The following KCNJ15 variants were observed in gnomAD, a reference collection of about 807,000 sequenced individuals.
The protein encoded by KCNJ15 is potassium inwardly rectifying channel subfamily J member 15.
Under a neutral mutation model 23.0 loss-of-function variants are expected in KCNJ15, and 14 were observed. The observed-to-expected ratio is 0.61, with a 90% CI of 0.40 to 0.95. The LOEUF (loss-of-function observed/expected upper bound fraction) is 0.95. KCNJ15 is among the 40% of genes least tolerant of loss of function. The pLI is 0.00. For missense variants in KCNJ15, 388 were observed against 461.8 expected, an observed-to-expected ratio of 0.84 and a Z score of 1.46; for synonymous variants, 185 against 183.2, an observed-to-expected ratio of 1.01 and a Z score of -0.08.
chr21:38,290,904 C>T (rs1170761820), intron 1 of KCNJ15, among the ~76,000 whole-genome samples: 1 of 151,788 alleles, frequency 6.6e-6, no homozygotes, highest in African/African-American at 2.4e-5. Flanking sequence ...GTTACTCAAA[C>T]TTTTTGATCC....
chr21:38,247,344 G>A (rs7410016), intron 1 of KCNJ15, among the ~76,000 whole-genome samples: 52,885 of 147,780 alleles, frequency 0.36, 11,253 homozygotes, highest in East Asian at 0.75. Context: ...ATGGATAGAT[G>A]CATAGGTGGA....
rs143902054 is a variant in KCNJ15 at position 38,249,107 on chromosome 21, A to G, written c.-398-7939A>G. On this transcript the variant is annotated intron_variant, in intron 1 of 4. Transcript: ENST00000547341. ...TTACTCCTTGCCAGAAAGAAAGAAT[A>G]TAACCATTTAGTGTCCCAAGGCAAG... is the stretch of plus-strand genomic sequence containing the variant. 2.6e-3 allele frequency among the ~76,000 whole-genome samples: 393 copies of G among 152,318 alleles called. 1 individual carries two copies. The highest frequency in any genetic ancestry group is 9.0e-3 in the African/African-American group (374 of 41,566).
At position 38,300,467 on chromosome 21, in the gene KCNJ15, G is replaced by A; in HGVS notation, c.*78G>A. 1 of 1,318,566 alleles carries A rather than the reference G, an allele frequency of 7.6e-7. No homozygotes were observed. The highest frequency in any genetic ancestry group is 1.0e-6 in the Non-Finnish European group (1 of 957,690). 81.7% of individuals were successfully genotyped at this position (1,318,566 alleles called of 1,614,324 possible). Reference sequence around the variant, plus strand: ...TCCCTTCAAACACAAAGATTGCTGTGAAAACGAAAATGTGTAGACGCACTC... The same window carrying A: ...TCCCTTCAAACACAAAGATTGCTGTAAAAACGAAAATGTGTAGACGCACTC... On this transcript the variant is annotated 3_prime_UTR_variant, in exon 3 of 3. Transcript: ENST00000398938.
intron 1 of KCNJ15, among the ~76,000 whole-genome samples, chr21:38,282,248 C>T (rs1174425071): frequency 6.6e-6 from 1 of 152,102 alleles, no homozygotes; most frequent in Non-Finnish European, 1.5e-5. Context: ...ACTGTCCCTG[C>T]TTGGGTTACT....
chr21:38,267,144 G>C (rs1981545862), intron 1 of KCNJ15, among the ~76,000 whole-genome samples: 1 of 152,188 alleles, frequency 6.6e-6, no homozygotes, highest in African/African-American at 2.4e-5. Flanking sequence ...GGCTTGCACT[G>C]ATTGGATACA....
chr21:38,269,721 G>A (rs1212112860), intron 1 of KCNJ15, among the ~76,000 whole-genome samples: 1 of 152,160 alleles, frequency 6.6e-6, no homozygotes, highest in African/African-American at 2.4e-5. Flanking sequence ...CTGGTGTGGA[G>A]AGAAACCACA....
Position 38,296,055 on chromosome 21 carries a change from T to A in KCNJ15, c.-116-871T>A, listed in dbSNP as rs34989635. Among the ~76,000 whole-genome samples the A allele has an allele frequency of 6.4e-3, 979 of 152,188 alleles. 7 individuals are homozygous for A. The highest frequency in any genetic ancestry group is 0.011 in the Non-Finnish European group (727 of 68,020). On this transcript the variant is annotated intron_variant, in intron 1 of 2. Transcript: ENST00000398938. Reference sequence around the variant, plus strand: ...AAGTATAAGTGTGCCTGTGTGTGTGTGAGAGACATAAAAATATATGGATGT... The same window carrying A: ...AAGTATAAGTGTGCCTGTGTGTGTGAGAGAGACATAAAAATATATGGATGT...
rs1185359165 is a variant in KCNJ15, at chr21:38,299,436, A to G, written c.175A>G (p.Ile59Val). The stretch of plus-strand genomic sequence containing the variant: ...CCTGCAAGACCTGTGGACCACAGTT[A>G]TCGACATGAAGTGGAGATACAAACT... ...LYLQDLWTTV[I>V]DMKWRYKLTL... The change falls in exon 3 of 3, where the codon ATC becomes GTC. Residue 59 changes from isoleucine (I) to valine (V), a missense_variant. Transcript: ENST00000398938. The surrounding 1 kb of genome is among the most constrained non-coding windows in gnomAD (Gnocchi z 4.5). 2.5e-6 allele frequency: 4 copies of G among 1,614,102 alleles called. No homozygotes were observed. In the South Asian group the frequency reaches 3.3e-5, roughly 13 times the overall value.
At chr21:38,230,804 A>G (rs1346528400) in intron 1 of KCNJ15, among the ~76,000 whole-genome samples, 4 of 152,126 alleles carry the variant, frequency 2.6e-5, no homozygotes, top group Non-Finnish European at 2.9e-5. Context: ...TTATGTCAAT[A>G]CCATACTGTT....
At chr21:38,250,911 CAGTCT>C (rs1979780284) in intron 1 of KCNJ15, among the ~76,000 whole-genome samples, 1 of 152,152 alleles carries the variant, frequency 6.6e-6, no homozygotes, top group Non-Finnish European at 1.5e-5. Flanking sequence ...GGTTCAAAGT[CAGTCT>C]GTTGTAGGTA....
intron 1 of KCNJ15, among the ~76,000 whole-genome samples, chr21:38,257,471 C>T (rs779309916): frequency 3.9e-4 from 60 of 152,076 alleles, no homozygotes; most frequent in Non-Finnish European, 7.1e-4. Flanking sequence ...GTCTAGCTTG[C>T]GGGACAAGAA....
At chr21:38,249,811 A>ATC (rs1447240962) in intron 1 of KCNJ15, among the ~76,000 whole-genome samples, 1 of 152,224 alleles carries the variant, frequency 6.6e-6, no homozygotes, top group South Asian at 2.1e-4. Context: ...AGTCTCCATC[A>ATC]TCTCTACGTG....
rs1193025325 is a variant in KCNJ15, at chr21:38,292,929, A to G, written c.-116-3997A>G. On this transcript the variant is annotated intron_variant, in intron 1 of 2. Coordinates refer to ENST00000398938, the MANE Select transcript of KCNJ15 (RefSeq NM_170736.3). ...GATTGCAGTGAGCCAAGATTGTGCC[A>G]CTGCACTCCAGCCTGCGTGACAGAG... Among the ~76,000 whole-genome samples, 5 of 150,706 alleles carry G rather than the reference A, an allele frequency of 3.3e-5. No individual in the cohort carries two copies. In the East Asian group the frequency reaches 9.8e-4, roughly 30 times the overall value.
intron 1 of KCNJ15, among the ~76,000 whole-genome samples, chr21:38,259,949 T>C (rs879246466): frequency 2.0e-5 from 3 of 152,088 alleles, no homozygotes; most frequent in Admixed American, 2.0e-4. Context: ...AAGTGCTAAA[T>C]CTTCCCTAAA....
At chr21:38,285,925 A>G (rs1911816497) in intron 1 of KCNJ15, among the ~76,000 whole-genome samples, 1 of 152,144 alleles carries the variant, frequency 6.6e-6, no homozygotes, top group African/African-American at 2.4e-5. Flanking sequence ...GTTGCATGTG[A>G]CTGAGTGGTA....
intron 1 of KCNJ15, among the ~76,000 whole-genome samples, chr21:38,241,491 A>G (rs1978990986): frequency 6.6e-6 from 1 of 152,184 alleles, no homozygotes; most frequent in African/African-American, 2.4e-5. Context: ...TGGAATTTTC[A>G]TCTCGTGCAA....
intron 1 of KCNJ15, among the ~76,000 whole-genome samples, chr21:38,239,932 A>G (rs746053725): frequency 1.3e-5 from 2 of 152,364 alleles, no homozygotes; most frequent in South Asian, 4.1e-4. Flanking sequence ...ACGTTAAAAC[A>G]TTAGAACAAG....
rs1986023292 is a variant in KCNJ15 at position 38,305,373 on chromosome 21, A to G, written c.*4984A>G. The G allele has an allele frequency of 6.6e-6, 1 of 152,236 alleles. No individual in the cohort carries two copies. The highest frequency in any genetic ancestry group is 1.5e-5 in the Non-Finnish European group (1 of 68,030). 9.4% of individuals were successfully genotyped at this position (152,236 alleles called of 1,614,324 possible). ...CAGGAATTTTTACTTTTCAATTGGT[A>G]TGTTGGCAGTGTGTAAAAATAGAAG... On this transcript the variant is annotated 3_prime_UTR_variant, in exon 3 of 3. Coordinates refer to ENST00000398938, the MANE Select transcript of KCNJ15 (RefSeq NM_170736.3).
At chr21:38,291,482 C>T (rs1187006851) in intron 1 of KCNJ15, 5 of 152,208 alleles carry the variant, frequency 3.3e-5, no homozygotes, top group Non-Finnish European at 7.3e-5. Context: ...AAAAACTCCA[C>T]CTGGCCACTG....
Sources: allele counts gnomAD v4.1 joint callset (sites outside exome capture counted in the v4.1 genomes callset), GRCh38; gene constraint gnomAD v4.1.1; non-coding constraint Gnocchi (gnomAD v3.1); transcripts MANE v1.5; gene names NCBI Gene and HGNC (gene_info 2026-07-23, HGNC 2026-07-21).